Variants in AP3B2 observed in about 807,000 individuals in gnomAD.
The protein encoded by AP3B2 is adaptor related protein complex 3 subunit beta 2, also known as AP-3 complex subunit beta-2.
A neutral mutation model predicts 126.9 loss-of-function variants in AP3B2; 50 were observed. The observed-to-expected ratio is 0.39, with a 90% confidence interval of 0.31 to 0.50. The LOEUF is 0.50. AP3B2 is among the 20% of genes least tolerant of loss of function. AP3B2 has a pLI of 0.79. For missense variants in AP3B2, 1,177 were observed against 1,426.4 expected (o/e 0.83, Z 2.82); for synonymous variants, 541 against 565.0 (o/e 0.96, Z 0.60).
intron 10 of AP3B2, among the ~76,000 whole-genome samples, chr15:82,678,572 C>T (rs2048281248): frequency 6.6e-6 from 1 of 152,190 alleles, no homozygotes; most frequent in Non-Finnish European, 1.5e-5. Flanking sequence ...AACCCAGGGT[C>T]TTCGCAGATG....
In AP3B2 at chr15:82,680,679, T is replaced by C; in HGVS notation, c.848A>G (p.Glu283Gly). Residue 283 changes from glutamate to glycine, a missense_variant, in exon 8 of 27, where the codon GAG becomes GGG. Glu to Gly is a moderately conservative substitution (Grantham distance 98). Around this residue, in one of 5 missense-constraint regions of AP3B2, gnomAD observed 103 missense variants for 101.4 expected, o/e 1.02. Transcript: ENST00000535359. The surrounding 1 kb of genome is among the most constrained non-coding windows in gnomAD (Gnocchi z 6.1). Reference sequence around the variant, plus strand: ...GGGGGCGGCCGCGGCGGCCGTCTCCTCAGACCCCGCGCCCTTGGCCTCGTC... The same window carrying C: ...GGGGGCGGCCGCGGCGGCCGTCTCCCCAGACCCCGCGCCCTTGGCCTCGTC... ...EEDEAKGAGS[E>G]ETAAAAAPSR... 2.5e-6 allele frequency: 4 copies of C among 1,577,746 alleles called. No individual in the cohort carries two copies. Among genetic ancestry groups the C allele is most frequent in the Non-Finnish European group, 2.6e-6 (3 of 1,166,284 alleles).
chr15:82,671,840 T>C (rs2048164766), intron 14 of AP3B2, among the ~76,000 whole-genome samples: 4 of 151,814 alleles, frequency 2.6e-5, no homozygotes, highest in Non-Finnish European at 5.9e-5. Flanking sequence ...GGCCAGGAGT[T>C]CAAGACCAGC....
chr15:82,699,763 G>A, intron 1 of AP3B2: 1 of 399,290 alleles, frequency 2.5e-6, no homozygotes, highest in Admixed American at 4.4e-5. Context: ...GTACCGGAGT[G>A]GGGGCCCACC....
chr15:82,662,700 C>A lies in AP3B2; in HGVS notation c.2827G>T (p.Glu943Ter). 1 of 1,612,378 alleles carries A rather than the reference C, an allele frequency of 6.2e-7. No individual in the cohort carries two copies. Among genetic ancestry groups the A allele is most frequent in the Non-Finnish European group, 8.5e-7 (1 of 1,179,126 alleles). The change falls in exon 23 of 27, where the codon GAA becomes TAA. Residue 943 changes from glutamate to a stop codon, truncating the protein, a stop_gained. Coordinates refer to ENST00000535359, the MANE Select transcript of AP3B2 (RefSeq NM_001278512.2). LOFTEE classifies it high-confidence loss of function. ...CATCCAAAGCCCTTCGCACCAATTTCGGGAAATTCTTGGATGCTGATGCCA... is the reference window on the plus strand; with the variant it reads ...CATCCAAAGCCCTTCGCACCAATTTAGGGAAATTCTTGGATGCTGATGCCA... ...PAGISIQEFP[E>*]IESLAPGESA...
chr15:82,686,989 G>A (rs539220777), intron 4 of AP3B2: 18 of 152,088 alleles, frequency 1.2e-4, no homozygotes, highest in Admixed American at 3.3e-4. Context: ...CCAAAGTGCT[G>A]GGATTACAGG....
At chr15:82,707,588 A>G (rs545481359) in intron 1 of AP3B2, among the ~76,000 whole-genome samples, 5 of 150,142 alleles carry the variant, frequency 3.3e-5, no homozygotes, top group Admixed American at 1.3e-4. Context: ...GCTATCCCCA[A>G]ACTGCCAGTC....
intron 1 of AP3B2, among the ~76,000 whole-genome samples, chr15:82,708,059 AT>A (rs1168485079): frequency 1.3e-5 from 2 of 152,212 alleles, no homozygotes; most frequent in Non-Finnish European, 2.9e-5. Flanking sequence ...AAGCCATGAT[AT>A]CCCCTGTGAC....
At position 82,681,068 on chromosome 15, in the gene AP3B2, G is replaced by A. The variant is rs1212283660; in HGVS notation, c.588+44C>T. 6.2e-7 allele frequency: 1 copy of A among 1,613,466 alleles called. No homozygotes were observed. On this transcript the variant is annotated intron_variant, in intron 6 of 26. Transcript: ENST00000535359. The surrounding 1 kb of genome is among the most constrained non-coding windows in gnomAD (Gnocchi z 4.0). ...GGGTGAACGCGAAGGGTGGAAGGCC[G>A]GCTGCCGGTCACCACCCCTCCCGGA...
chr15:82,697,237 G>A (rs1215721767), intron 1 of AP3B2, among the ~76,000 whole-genome samples: 1 of 152,118 alleles, frequency 6.6e-6, no homozygotes, highest in Non-Finnish European at 1.5e-5. Flanking sequence ...AGTAGGCTGA[G>A]GCAGGAGAAT....
rs1219459955 is a variant in AP3B2, at chr15:82,680,200, A to G, written c.1085T>C (p.Val362Ala). ...SEVQYVVLQN[V>A]ATMSIKRRGM... ...CCGGCGCTTGATGGACATGGTGGCC[A>G]CGTTCTGGAGCACAACGTACTGCAC... Residue 362 changes from valine to alanine, a missense_variant, in exon 9 of 27, where the codon GTG (valine) becomes GCG (alanine). This residue lies in a region of AP3B2 where 308 missense variants were observed against 452.4 expected (regional missense o/e 0.68). Transcript: ENST00000535359. The surrounding 1 kb of genome is among the most constrained non-coding windows in gnomAD (Gnocchi z 6.1). 2.5e-6 allele frequency: 4 copies of G among 1,613,432 alleles called. No individual in the cohort carries two copies. Among genetic ancestry groups the G allele is most frequent in the Non-Finnish European group, 3.4e-6 (4 of 1,179,792 alleles).
chr15:82,660,758 C>G (rs1200270512), intron 25 of AP3B2, among the ~76,000 whole-genome samples: 1 of 152,204 alleles, frequency 6.6e-6, no homozygotes, highest in Non-Finnish European at 1.5e-5. Flanking sequence ...ATAACATTTT[C>G]TTGTTTTTGT....
At position 82,700,656 on chromosome 15, in the gene AP3B2, C is replaced by G. The variant is rs1041550120; in HGVS notation, c.113+8938G>C. 6.9e-4 allele frequency among the ~76,000 whole-genome samples: 105 copies of G among 151,826 alleles called. 5 individuals are homozygous for G. The highest frequency in any genetic ancestry group is 2.5e-4 in the Non-Finnish European group (17 of 67,978). On this transcript the variant is annotated intron_variant, in intron 1 of 26. Coordinates refer to ENST00000535359, the MANE Select transcript of AP3B2 (RefSeq NM_001278512.2). ...TTAGGTGATATGCCTGCCTCAGCCT[C>G]CCAAAGTGCTAGGATTACAGGCGTG...
chr15:82,667,031 C>G, intron 14 of AP3B2, 98 bp from the exon 15 acceptor site: 1 of 1,255,178 alleles, frequency 8.0e-7, no homozygotes, highest in Non-Finnish European at 1.1e-6. Flanking sequence ...GGCAGAACGT[C>G]TCCTCTCCCT....
chr15:82,662,929 T>A lies in AP3B2; in HGVS notation c.2605-7A>T, dbSNP rs752065303. 3 of 1,609,484 alleles carry A rather than the reference T, an allele frequency of 1.9e-6. No individual in the cohort carries two copies. Among genetic ancestry groups the A allele is most frequent in the Non-Finnish European group, 1.7e-6 (2 of 1,178,768 alleles). On this transcript the variant is annotated splice_region_variant and splice_polypyrimidine_tract_variant and intron_variant, in intron 22 of 26. Coordinates refer to ENST00000535359, the MANE Select transcript of AP3B2 (RefSeq NM_001278512.2). ...CCGATACTGGACTCAGAAGCTAGAG[T>A]GGAGGGGTAGGGAAGGACAGAACTG... is the stretch of plus-strand genomic sequence containing the variant.
chr15:82,677,587 G>A, intron 12 of AP3B2, 84 bp downstream of exon 12: 1 of 1,464,646 alleles, frequency 6.8e-7, no homozygotes, highest in Non-Finnish European at 9.1e-7. Context: ...AGGCAGACTG[G>A]TGGATATCCA....
chr15:82,698,431 A>T (rs1479066656), intron 1 of AP3B2, among the ~76,000 whole-genome samples: 1 of 149,780 alleles, frequency 6.7e-6, no homozygotes, highest in Non-Finnish European at 1.5e-5. Context: ...ATATCACAAG[A>T]CCTCTCCCCG....
chr15:82,663,491 C>G, intron 21 of AP3B2, 69 bp downstream of exon 21: 1 of 1,535,854 alleles, frequency 6.5e-7, no homozygotes, highest in Non-Finnish European at 9.0e-7. Context: ...ATCCAGAGTC[C>G]CTATGGGCTG....
intron 1 of AP3B2, among the ~76,000 whole-genome samples, chr15:82,704,012 G>C (rs928090874): frequency 6.6e-6 from 1 of 152,040 alleles, no homozygotes; most frequent in Non-Finnish European, 1.5e-5. Flanking sequence ...TTTGTTCTGC[G>C]ACTAGCCCTC....
In AP3B2 at chr15:82,662,265, A is replaced by C; in HGVS notation, c.2834-13T>G. 6.3e-7 allele frequency: 1 copy of C among 1,577,786 alleles called. No individual in the cohort carries two copies. Among genetic ancestry groups the C allele is most frequent in the Non-Finnish European group, 8.6e-7 (1 of 1,159,018 alleles). ...GGTGCCAGGGACTCTGAAGTGGTAT[A>C]AGGCAGTGAAGGGGAGAGGGAGGGC... On this transcript the variant is annotated splice_polypyrimidine_tract_variant and intron_variant, in intron 23 of 26. Transcript: ENST00000535359.
Sources: allele counts gnomAD v4.1 joint callset (sites outside exome capture counted in the v4.1 genomes callset), GRCh38; gene constraint gnomAD v4.1.1; regional missense constraint gnomAD v4.1.1; non-coding constraint Gnocchi (gnomAD v3.1); transcripts MANE v1.5; gene names NCBI Gene and HGNC (gene_info 2026-07-23, HGNC 2026-07-21).